Variants in ZNF681 observed in about 807,000 individuals in gnomAD.
ZNF681 encodes the protein hypothetical protein FLJ31526.
A neutral mutation model predicts 56.0 loss-of-function variants in ZNF681; 37 were observed. The ratio of observed to expected loss-of-function variants is 0.66; its 90% CI spans 0.51 to 0.87. ZNF681 has a LOEUF of 0.87. Among genes scored for constraint, ZNF681 ranks in the 40% least tolerant of loss-of-function variants. The pLI is 0.00. For synonymous variants in ZNF681, 225 were observed against 248.6 expected (o/e 0.91, Z 0.89); for missense variants, 741 against 744.9 (o/e 0.99, Z 0.06).
intron 3 of ZNF681, among the ~76,000 whole-genome samples, chr19:23,751,878 G>A (rs1169752327): frequency 2.6e-5 from 4 of 151,930 alleles, no homozygotes; most frequent in African/African-American, 9.7e-5. Context: ...TAGTAGAGAC[G>A]GGGTTCCACC....
At position 23,740,792 on chromosome 19, in the gene ZNF681, T is replaced by G. The variant is rs1274142498; in HGVS notation, c.*2820A>C. The G allele has an allele frequency of 6.6e-6, 1 of 152,052 alleles. No individual in the cohort carries two copies. Among genetic ancestry groups the G allele is most frequent in the Admixed American group, 6.6e-5 (1 of 15,256 alleles). The allele number at this position is 152,052 out of a possible 1,614,324, so 9.4% of individuals were successfully genotyped here. A position where few individuals can be genotyped will look rare whatever the true frequency, so the allele number is the denominator to read the frequency against. On this transcript the variant is annotated 3_prime_UTR_variant, in exon 4 of 4. Coordinates refer to ENST00000402377, the MANE Select transcript of ZNF681 (RefSeq NM_138286.3). ...AATAAAATATTCTAACAACATAAAA[T>G]ATAACAATACACTAATTTTGAAATT...
intron 1 of ZNF681, among the ~76,000 whole-genome samples, chr19:23,758,260 C>T (rs1292402914): frequency 2.0e-5 from 3 of 152,210 alleles, no homozygotes; most frequent in Non-Finnish European, 4.4e-5. Context: ...AACAATTTAG[C>T]CGGGCGTGGT....
At position 23,749,036 on chromosome 19, in the gene ZNF681, A is replaced by T. The variant is rs977852260; in HGVS notation, c.227-3713T>A. ...CTCTGCAATGCAGGAGCTAGAAGGC[A>T]TATTTGAATATTGATGTTTACTGTA... is the stretch of plus-strand genomic sequence containing the variant. On this transcript the variant is annotated intron_variant, in intron 3 of 3. Transcript: ENST00000402377. Among the ~76,000 whole-genome samples the T allele has an allele frequency of 2.6e-5, 4 of 152,246 alleles. No homozygotes were observed. In the South Asian group the frequency reaches 8.3e-4, roughly 32 times the overall value.
chr19:23,748,202 T>G (rs1005277002), intron 3 of ZNF681, among the ~76,000 whole-genome samples: 3 of 151,622 alleles, frequency 2.0e-5, no homozygotes, highest in African/African-American at 7.3e-5. Flanking sequence ...TTGTAGAAAA[T>G]AAGTAAAAAT....
intron 3 of ZNF681, among the ~76,000 whole-genome samples, chr19:23,749,928 T>A (rs1369678672): frequency 6.7e-6 from 1 of 149,038 alleles, no homozygotes; most frequent in African/African-American, 2.5e-5. Context: ...ATGGTGAAAA[T>A]AAAACTATTT....
intron 1 of ZNF681, among the ~76,000 whole-genome samples, chr19:23,757,852 T>TA (rs558803985): frequency 1.7e-4 from 25 of 149,322 alleles, no homozygotes; most frequent in African/African-American, 2.7e-4. Flanking sequence ...AAACTTACCT[T>TA]AAAAAAAAAA....
At position 23,743,010 on chromosome 19, in the gene ZNF681, T is replaced by C. The variant is rs927062584; in HGVS notation, c.*602A>G. On this transcript the variant is annotated 3_prime_UTR_variant, in exon 4 of 4. Transcript: ENST00000402377. ...CCTTAACTATTTCTACTGTGAATTA[T>C]CTGATATTTACATAGAATTTTGGAT... 6.6e-6 allele frequency: 1 copy of C among 152,230 alleles called. No individual in the cohort carries two copies. Among genetic ancestry groups the C allele is most frequent in the African/African-American group, 2.4e-5 (1 of 41,458 alleles). The allele number at this position is 152,230 out of a possible 1,614,324, so 9.4% of individuals were successfully genotyped here.
Position 23,758,831 on chromosome 19 carries a change from TAGA to T in ZNF681, c.-85_-83del, listed in dbSNP as rs1469282643. On this transcript the variant is annotated 5_prime_UTR_variant, in exon 1 of 4. Transcript: ENST00000402377. ...CAGAGGGCCATAGAGGCTGGGCCTCTAGAAGAAGAGGACACAGAGCAGTGAAGA... is the reference window on the plus strand; with the variant it reads ...CAGAGGGCCATAGAGGCTGGGCCTCTAGAAGAGGACACAGAGCAGTGAAGA... 6.9e-6 allele frequency: 11 copies of T among 1,594,310 alleles called. No individual in the cohort carries two copies. Among genetic ancestry groups the T allele is most frequent in the African/African-American group, 4.0e-5 (3 of 74,388 alleles).
intron 3 of ZNF681, among the ~76,000 whole-genome samples, chr19:23,752,101 T>G (rs1969041328): frequency 6.6e-6 from 1 of 152,140 alleles, no homozygotes; most frequent in African/African-American, 2.4e-5. Context: ...GGGAGGGAGT[T>G]GTGAAACTGC....
intron 3 of ZNF681, among the ~76,000 whole-genome samples, chr19:23,754,558 T>A (rs933518106): frequency 6.6e-6 from 1 of 152,028 alleles, no homozygotes; most frequent in Non-Finnish European, 1.5e-5. Context: ...CCCAGTTACT[T>A]GGGAAGGTGA....
Position 23,744,129 on chromosome 19 carries a change from C to T in ZNF681, c.1421G>A (p.Gly474Glu), listed in dbSNP as rs1864878771. 1 of 1,612,692 alleles carries T rather than the reference C, an allele frequency of 6.2e-7. No homozygotes were observed. The highest frequency in any genetic ancestry group is 8.5e-7 in the Non-Finnish European group (1 of 1,179,476). ...NLTTHKRIHTGEKPYKCEECG... is the reference protein window; with the variant it reads ...NLTTHKRIHTEEKPYKCEECG... ...TTCTTCACATTTGTAGGGTTTCTCT[C>T]CAGTATGAATTCTTTTATGTGTAGT... Residue 474 changes from glycine to glutamate, a missense_variant, in exon 4 of 4, where the codon GGA (glycine) becomes GAA (glutamate). Coordinates refer to ENST00000402377, the MANE Select transcript of ZNF681 (RefSeq NM_138286.3).
At chr19:23,755,605 AT>A in intron 1 of ZNF681, 54 bp from the exon 2 acceptor site, 1 of 1,388,418 alleles carries the variant, frequency 7.2e-7, no homozygotes, top group Non-Finnish European at 9.5e-7. Context: ...ACACATACAC[AT>A]TTAGAAAGTG....
In ZNF681 at chr19:23,743,809, T is replaced by G; in HGVS notation, c.1741A>C (p.Lys581Gln). 6.2e-7 allele frequency: 1 copy of G among 1,613,468 alleles called. No homozygotes were observed. The change falls in exon 4 of 4, where the codon AAG becomes CAG. Residue 581 changes from lysine (K) to glutamine (Q), a missense_variant. Coordinates refer to ENST00000402377, the MANE Select transcript of ZNF681 (RefSeq NM_138286.3). ...GGTTTCTCTCCAGTATGAATTCTCT[T>G]ATGTCTAGTAAGGTGTGAGGACTGG... The part of the protein sequence containing the change: ...FNQSSHLTRH[K>Q]RIHTGEKPYQ...
At chr19:23,756,031 A>G (rs1969111881) in intron 1 of ZNF681, among the ~76,000 whole-genome samples, 1 of 152,180 alleles carries the variant, frequency 6.6e-6, no homozygotes, top group Non-Finnish European at 1.5e-5. Context: ...ATTCTACTAT[A>G]AAGACACATA....
At chr19:23,751,591 A>T (rs1439853823) in intron 3 of ZNF681, among the ~76,000 whole-genome samples, 4 of 152,196 alleles carry the variant, frequency 2.6e-5, no homozygotes, top group African/African-American at 9.7e-5. Context: ...ATGGCAGTAA[A>T]ATTTCAAAGG....
rs1241097423 is a variant in ZNF681, at chr19:23,755,545, A to G, written c.10T>C (p.Leu4=). 1.3e-6 allele frequency: 2 copies of G among 1,570,458 alleles called. No individual in the cohort carries two copies. The highest frequency in any genetic ancestry group is 2.2e-5 in the South Asian group (2 of 89,790). The change falls in exon 2 of 4, where the codon TTG becomes CTG. Residue 4 remains leucine (L), a synonymous_variant. Transcript: ENST00000402377. The part of the protein sequence containing the change: MEP[L]KFRDVAIEFS... Reference sequence around the variant, plus strand: ...TCTATGGCCACATCCCTAAATTTCAATGGTTCCTGAAAAACACACACACAC... The same window carrying G: ...TCTATGGCCACATCCCTAAATTTCAGTGGTTCCTGAAAAACACACACACAC...
chr19:23,748,093 A>AT (rs375370403), intron 3 of ZNF681, among the ~76,000 whole-genome samples: 407 of 152,126 alleles, frequency 2.7e-3, no homozygotes, highest in African/African-American at 9.5e-3. Flanking sequence ...TCTTGGCACC[A>AT]TTTTTTTTGA....
At chr19:23,750,299 A>C (rs78041255) in intron 3 of ZNF681, among the ~76,000 whole-genome samples, 1 of 129,640 alleles carries the variant, frequency 7.7e-6, no homozygotes, top group African/African-American at 2.9e-5. Context: ...AAAAAAAAAA[A>C]AAAACCAAAA....
At chr19:23,745,475 C>T (rs370371002) in intron 3 of ZNF681, among the ~76,000 whole-genome samples, 152 bp from the exon 4 acceptor site, 4 of 139,520 alleles carry the variant, frequency 2.9e-5, no homozygotes, top group Middle Eastern at 4.0e-3. Flanking sequence ...TTTCCTGAGA[C>T]GGAGTTTCAA....
Sources: allele counts gnomAD v4.1 joint callset (sites outside exome capture counted in the v4.1 genomes callset), GRCh38; gene constraint gnomAD v4.1.1; transcripts MANE v1.5; gene names NCBI Gene and HGNC (gene_info 2026-07-23, HGNC 2026-07-21).